The following GCSH variants were observed in gnomAD, a reference collection of about 807,000 sequenced individuals.
GCSH encodes glycine cleavage system H protein, mitochondrial.
A neutral mutation model predicts 21.3 loss-of-function variants in GCSH; 15 were observed. That is an observed-to-expected ratio of 0.70 (90% CI 0.47 to 1.08). The LOEUF (loss-of-function observed/expected upper bound fraction) is 1.08, where lower values mean the gene tolerates loss of function less well. GCSH is among the 50% of genes least tolerant of loss of function. The pLI is 0.00. For synonymous variants in GCSH, 59 were observed against 84.5 expected (o/e 0.70, Z 1.66); for missense variants, 179 against 217.5 (o/e 0.82, Z 1.11).
intron 2 of GCSH, among the ~76,000 whole-genome samples, chr16:81,089,122 G>A (rs8177894): frequency 1.3e-3 from 201 of 152,316 alleles, no homozygotes; most frequent in African/African-American, 4.7e-3. Flanking sequence ...ACAGTCACGT[G>A]CCGCCTAATG....
chr16:81,082,874 C>T lies in GCSH; in HGVS notation c.514G>A (p.Glu172Lys), dbSNP rs760566469. 7.9e-6 allele frequency: 10 copies of T among 1,263,422 alleles called. No individual in the cohort carries two copies. In the Admixed American group the frequency reaches 1.0e-4, roughly 13 times the overall value. 78.3% of individuals were successfully genotyped at this position (1,263,422 alleles called of 1,614,324 possible). The change falls in exon 5 of 5, where the codon GAG (glutamate) becomes AAG (lysine). Residue 172 changes from glutamate to lysine, a missense_variant. Glu to Lys is a moderately conservative substitution (Grantham distance 56). Transcript: ENST00000315467. ...EAYEKYIKSI[E>K]E The stretch of plus-strand genomic sequence containing the variant: ...ATTTAGGAGTTCCATTTTCACTCCT[C>T]AATAGATTTTATGTATTTCTCATAT...
chr16:81,083,659 GA>G (rs1972214562), intron 4 of GCSH: 1 of 152,648 alleles, frequency 6.6e-6, no homozygotes, highest in Non-Finnish European at 1.5e-5. Context: ...ACAGACAAAA[GA>G]GAACTACAAC....
intron 2 of GCSH, 61 bp downstream of exon 2, chr16:81,090,540 T>C (rs772313546): frequency 5.3e-6 from 6 of 1,129,278 alleles, no homozygotes; most frequent in Non-Finnish European, 8.1e-6. Flanking sequence ...TTTAAAAAGG[T>C]AGAGATAAAG....
Position 81,093,637 on chromosome 16 carries a change from T to C in GCSH, c.148+2494A>G, listed in dbSNP as rs543022201. On this transcript the variant is annotated intron_variant, in intron 1 of 4. Transcript: ENST00000315467. ...AGGCAGATCACCTGAGATCAGGAGT[T>C]CAAGACCACCCTGGCCAACATGGTG... Among the ~76,000 whole-genome samples the C allele has an allele frequency of 2.9e-3, 437 of 152,006 alleles. 1 individual carries two copies. The highest frequency in any genetic ancestry group is 3.7e-3 in the Non-Finnish European group (250 of 67,996).
chr16:81,093,884 G>C (rs1972448368), intron 1 of GCSH, among the ~76,000 whole-genome samples: 1 of 152,072 alleles, frequency 6.6e-6, no homozygotes, highest in African/African-American at 2.4e-5. Flanking sequence ...ACAGGAAGAA[G>C]TGGATAGATT....
At chr16:81,095,863 AC>A (rs1157054039) in intron 1 of GCSH, among the ~76,000 whole-genome samples, 4 of 150,790 alleles carry the variant, frequency 2.7e-5, no homozygotes, top group African/African-American at 9.8e-5. Context: ...CCGCCGGGCC[AC>A]CCCCGCCTCG....
At position 81,087,611 on chromosome 16, in the gene GCSH, CAAT is replaced by C; in HGVS notation, c.279_281del (p.Leu94del). The C allele has an allele frequency of 6.2e-7, 1 of 1,608,296 alleles. No homozygotes were observed. The highest frequency in any genetic ancestry group is 1.1e-5 in the South Asian group (1 of 90,948). ...CCTAAGAACACTCACCTTGTTTGTTCAATTTTGTCCCAACTTCAGGGAGACTAC... is the reference window on the plus strand; with the variant it reads ...CCTAAGAACACTCACCTTGTTTGTTCTTTGTCCCAACTTCAGGGAGACTAC... On this transcript the variant is annotated inframe_deletion, in exon 3 of 5. Coordinates refer to ENST00000315467, the MANE Select transcript of GCSH (RefSeq NM_004483.5).
chr16:81,088,942 A>G (rs1597167239), intron 2 of GCSH, among the ~76,000 whole-genome samples: 1 of 152,186 alleles, frequency 6.6e-6, no homozygotes, highest in Admixed American at 6.6e-5. Context: ...AGTCATTCTC[A>G]TGTAGGTAAT....
chr16:81,083,829 A>T (rs1401127668), intron 4 of GCSH: 5 of 152,088 alleles, frequency 3.3e-5, no homozygotes, highest in African/African-American at 9.6e-5. Flanking sequence ...CAAAATATAT[A>T]TTTTTTTACC....
intron 2 of GCSH, among the ~76,000 whole-genome samples, chr16:81,088,572 A>T (rs1157420085): frequency 1.3e-5 from 2 of 152,056 alleles, no homozygotes; most frequent in African/African-American, 2.4e-5. Flanking sequence ...TTAATTTTTT[A>T]AAATTTTTTG....
chr16:81,096,186 C>G lies in GCSH; in HGVS notation c.93G>C (p.Trp31Cys). The G allele has an allele frequency of 1.5e-6, 2 of 1,319,206 alleles. No homozygotes were observed. The highest frequency in any genetic ancestry group is 1.9e-6 in the Non-Finnish European group (2 of 1,039,832). The allele number at this position is 1,319,206 out of a possible 1,614,324, so 81.7% of individuals were successfully genotyped here. Residue 31 changes from tryptophan (W) to cysteine (C), a missense_variant, in exon 1 of 5, where the codon TGG (tryptophan) becomes TGC (cysteine). Trp to Cys is a radical substitution (Grantham distance 215). Transcript: ENST00000315467. The stretch of plus-strand genomic sequence containing the variant: ...TACGGACGGCGCCCACCCCCAGCTG[C>G]CAGGGCCTCGGCGGGCAGGGCGCGG... ...SPAAPCPPRP[W>C]QLGVGAVRTL... is the part of the protein sequence containing the mutation.
In GCSH at chr16:81,095,101, GA is replaced by G. The variant is rs56957840; in HGVS notation, c.148+1029del. 9.6e-3 allele frequency among the ~76,000 whole-genome samples: 1,386 copies of G among 144,658 alleles called. 13 individuals carry two copies. The highest frequency in any genetic ancestry group is 0.024 in the African/African-American group (918 of 38,808). 94.9% of individuals were successfully genotyped at this position (144,658 alleles called of 152,430 possible). A position where few individuals can be genotyped will look rare whatever the true frequency, so the allele number is the denominator to read the frequency against. On this transcript the variant is annotated intron_variant, in intron 1 of 4. Coordinates refer to ENST00000315467, the MANE Select transcript of GCSH (RefSeq NM_004483.5). ...GAGCGAGGCTCCGTCTCAATAAAAA[GA>G]AAAAAAAAAAAAAAGAAAATTGTTT...
At chr16:81,091,851 G>C (rs1362092989) in intron 1 of GCSH, among the ~76,000 whole-genome samples, 11 of 151,278 alleles carry the variant, frequency 7.3e-5, no homozygotes, top group Non-Finnish European at 2.9e-5. Context: ...AAATTCCTGA[G>C]CTCATGATCC....
At chr16:81,095,797 C>T (rs969939539) in intron 1 of GCSH, among the ~76,000 whole-genome samples, 10 of 152,148 alleles carry the variant, frequency 6.6e-5, no homozygotes, top group Admixed American at 3.3e-4. Flanking sequence ...GCCACCGAGA[C>T]GCTTAAGCGA....
Position 81,082,096 on chromosome 16 carries a change from G to A in GCSH, c.*770C>T, listed in dbSNP as rs535525193. ...CTTTCCTCTTCTTTCTTCAGACCTC[G>A]CATGATAGAAAATCAAAGTTGGTGA... On this transcript the variant is annotated 3_prime_UTR_variant, in exon 5 of 5. Coordinates refer to ENST00000315467, the MANE Select transcript of GCSH (RefSeq NM_004483.5). The A allele has an allele frequency of 9.0e-5, 41 of 454,006 alleles. No homozygotes were observed. The highest frequency in any genetic ancestry group is 6.2e-4 in the South Asian group (40 of 64,468). 28.1% of individuals were successfully genotyped at this position (454,006 alleles called of 1,614,324 possible). A position where few individuals can be genotyped will look rare whatever the true frequency, so the allele number is the denominator to read the frequency against.
chr16:81,092,554 AGCATAGTGAAACC>A, intron 1 of GCSH, among the ~76,000 whole-genome samples: 1 of 151,536 alleles, frequency 6.6e-6, no homozygotes, highest in African/African-American at 2.4e-5. Context: ...CAGCCTGGCC[AGCATAGTGAAACC>A]ACATCTCTAC....
chr16:81,087,458 A>G, intron 3 of GCSH, 143 bp downstream of exon 3: 1 of 698,070 alleles, frequency 1.4e-6, no homozygotes, highest in Non-Finnish European at 2.6e-6. Flanking sequence ...AGATGGTGCC[A>G]CTGCACTCCA....
At chr16:81,089,955 C>A (rs1972364782) in intron 2 of GCSH, among the ~76,000 whole-genome samples, 1 of 152,226 alleles carries the variant, frequency 6.6e-6, no homozygotes, top group Admixed American at 6.6e-5. Context: ...GTACAAAACA[C>A]ACACATTTCC....
intron 1 of GCSH, among the ~76,000 whole-genome samples, chr16:81,094,517 A>C (rs916049413): frequency 6.6e-6 from 1 of 151,982 alleles, no homozygotes; most frequent in Non-Finnish European, 1.5e-5. Context: ...AAAAGAAGAA[A>C]AAAAAAAGGA....
Sources: gnomAD v4.1 joint callset for allele counts (sites outside exome capture counted in the v4.1 genomes callset) on GRCh38, gnomAD v4.1.1 for gene constraint, MANE v1.5 for transcripts, NCBI Gene and HGNC (gene_info 2026-07-23, HGNC 2026-07-21) for gene names.